Variants in NDE1 observed in about 807,000 individuals in gnomAD.
The protein encoded by NDE1 is nuclear distribution protein nudE homolog 1.
In NDE1, 28 loss-of-function variants were observed where a neutral mutation model predicts 43.4. The ratio of observed to expected loss-of-function variants is 0.65; its 90% CI spans 0.48 to 0.89. The LOEUF is 0.89. NDE1 is among the 40% of genes least tolerant of loss of function. NDE1 has a pLI of 0.00. For synonymous variants in NDE1, 184 were observed against 172.0 expected (o/e 1.07, Z -0.55); for missense variants, 441 against 434.1 (o/e 1.02, Z -0.14).
rs2040665153 is a variant in NDE1, at chr16:15,724,780, G to T, written c.*529G>T. The T allele has an allele frequency of 6.2e-7, 1 of 1,614,012 alleles. No homozygotes were observed. Among genetic ancestry groups the T allele is most frequent in the Non-Finnish European group, 8.5e-7 (1 of 1,180,024 alleles). On this transcript the variant is annotated 3_prime_UTR_variant, in exon 9 of 9. Coordinates refer to ENST00000396354, the MANE Select transcript of NDE1 (RefSeq NM_017668.3). ...CGTAGACACGTTGAGCTTCTGCCGG[G>T]TTTCTTCTTGAAGCAGCTCCTGCAA...
chr16:15,656,976 C>T (rs1259960104), intron 1 of NDE1, among the ~76,000 whole-genome samples: 1 of 152,168 alleles, frequency 6.6e-6, no homozygotes, highest in Admixed American at 6.6e-5. Flanking sequence ...TTTTTCCAAA[C>T]CTCAGGAGGA....
upstream of NDE1, among the ~76,000 whole-genome samples, chr16:15,648,471 CCTCT>C (rs1255927966): frequency 6.6e-6 from 1 of 152,114 alleles, no homozygotes; most frequent in Non-Finnish European, 1.5e-5. Context: ...ATGAAGTCTC[CCTCT>C]GTCTCCCAGG....
At chr16:15,655,373 G>A (rs2036708757) in intron 1 of NDE1, among the ~76,000 whole-genome samples, 1 of 152,140 alleles carries the variant, frequency 6.6e-6, no homozygotes, top group Non-Finnish European at 1.5e-5. Context: ...TCAAACTCCT[G>A]GGCTCAAGCA....
At position 15,676,116 on chromosome 16, in the gene NDE1, CCTCCCTTCCTCTCTCCTCTGT is replaced by C. The variant is rs949210082; in HGVS notation, c.238-1665_238-1645del. Among the ~76,000 whole-genome samples the C allele has an allele frequency of 7.3e-5, 11 of 151,686 alleles. No individual in the cohort carries two copies. In the South Asian group the frequency reaches 8.3e-4, roughly 11 times the overall value. On this transcript the variant is annotated intron_variant, in intron 3 of 8. Coordinates refer to ENST00000396354, the MANE Select transcript of NDE1 (RefSeq NM_017668.3). ...ATCTCTCTCCCTTTCCTTCCCTCTC[CCTCCCTTCCTCTCTCCTCTGT>C]CTCCCTTCCTCTCTCCTCTCTCTCC... is the stretch of plus-strand genomic sequence containing the variant.
chr16:15,698,332 G>C (rs1489580858), intron 8 of NDE1, among the ~76,000 whole-genome samples: 1 of 151,016 alleles, frequency 6.6e-6, no homozygotes, highest in African/African-American at 2.4e-5. Flanking sequence ...TGGAGGTTGA[G>C]GCCGCAGTGA....
At chr16:15,698,540 A>G (rs890786343) in intron 8 of NDE1, among the ~76,000 whole-genome samples, 13 of 152,014 alleles carry the variant, frequency 8.6e-5, no homozygotes, top group Admixed American at 7.9e-4. Flanking sequence ...TGGCATGCAC[A>G]TAACTTTGAG....
chr16:15,653,181 C>T (rs1488429988), intron 1 of NDE1, among the ~76,000 whole-genome samples: 1 of 152,168 alleles, frequency 6.6e-6, no homozygotes, highest in East Asian at 1.9e-4. Flanking sequence ...CATATTAGTA[C>T]TTACAGTTCT....
At chr16:15,655,234 T>C (rs1339097104) in intron 1 of NDE1, among the ~76,000 whole-genome samples, 1 of 152,122 alleles carries the variant, frequency 6.6e-6, no homozygotes, top group Non-Finnish European at 1.5e-5. Context: ...CCCAGGCTGG[T>C]CTTGAACCCC....
chr16:15,708,208 C>T (rs1036224525), intron 8 of NDE1, among the ~76,000 whole-genome samples: 3 of 152,234 alleles, frequency 2.0e-5, no homozygotes, highest in South Asian at 2.1e-4. Flanking sequence ...GTGCAGCCCC[C>T]GGCATTTGTC....
At chr16:15,675,795 G>A (rs147353679) in intron 3 of NDE1, among the ~76,000 whole-genome samples, 107 of 152,286 alleles carry the variant, frequency 7.0e-4, no homozygotes, top group African/African-American at 2.5e-3. Flanking sequence ...TCGGGAGTGG[G>A]CAGGTGATCT....
At chr16:15,704,019 T>C in intron 8 of NDE1, 5 of 1,614,164 alleles carry the variant, frequency 3.1e-6, no homozygotes, top group Non-Finnish European at 4.2e-6. Context: ...TCCATTGAAG[T>C]CTGCGTCTCG....
intron 8 of NDE1, chr16:15,700,079 C>T (rs946536158): frequency 8.6e-7 from 1 of 1,164,410 alleles, no homozygotes; most frequent in African/African-American, 1.6e-5. Flanking sequence ...GGGAAGGGCT[C>T]TAAGTTGTCG....
rs1311701790 is a variant in NDE1 at position 15,715,112 on chromosome 16, G to A, written c.948-9079G>A. The stretch of plus-strand genomic sequence containing the variant: ...GCGGAGAGTTGGAGGGGTGGTTAGG[G>A]GAGGCCGGCTGGGGGCTGGGGGCTC... On this transcript the variant is annotated intron_variant, in intron 8 of 8. Coordinates refer to ENST00000396354, the MANE Select transcript of NDE1 (RefSeq NM_017668.3). The A allele has an allele frequency of 4.3e-6, 7 of 1,612,310 alleles. No individual in the cohort carries two copies. In the African/African-American group the frequency reaches 8.0e-5, roughly 18 times the overall value.
intron 4 of NDE1, among the ~76,000 whole-genome samples, chr16:15,685,584 T>C (rs1387305001): frequency 2.6e-5 from 4 of 152,146 alleles, no homozygotes; most frequent in Non-Finnish European, 5.9e-5. Context: ...GTGGTAACTT[T>C]ATCCTATCCA....
intron 8 of NDE1, chr16:15,720,083 G>C: frequency 1.2e-6 from 2 of 1,606,394 alleles, no homozygotes; most frequent in Non-Finnish European, 1.7e-6. Context: ...CCGCTCTGCT[G>C]ACTTCGGTGG....
Position 15,720,263 on chromosome 16 carries a change from A to T in NDE1, c.948-3928A>T. 6.2e-7 allele frequency: 1 copy of T among 1,614,106 alleles called. No individual in the cohort carries two copies. The highest frequency in any genetic ancestry group is 8.5e-7 in the Non-Finnish European group (1 of 1,180,004). On this transcript the variant is annotated intron_variant, in intron 8 of 8. Transcript: ENST00000396354. The stretch of plus-strand genomic sequence containing the variant: ...CAGCTTCTTCTTTGCTGCAGCTGCC[A>T]GGGCACGTTGCTTTCGCTCGTCTTC...
intron 8 of NDE1, chr16:15,703,558 C>G: frequency 3.0e-6 from 1 of 334,708 alleles, no homozygotes; most frequent in Admixed American, 4.5e-5. Flanking sequence ...ATACAAACTT[C>G]AATTTTTACC....
rs185725006 is a variant in NDE1 at position 15,693,678 on chromosome 16, G to A, written c.704-487G>A. ...TTAAAGGCCAGGCATGGTGGCTCAC[G>A]CCCGTAATCCCAGCACTTTTGGAGG... On this transcript the variant is annotated intron_variant, in intron 6 of 8. Transcript: ENST00000396354. Among the ~76,000 whole-genome samples the A allele has an allele frequency of 2.8e-3, 425 of 152,166 alleles. 2 individuals carry two copies. Among genetic ancestry groups the A allele is most frequent in the African/African-American group, 9.6e-3 (400 of 41,524 alleles).
At chr16:15,706,245 TTCTC>T (rs368469876) in intron 8 of NDE1, among the ~76,000 whole-genome samples, 1 of 152,288 alleles carries the variant, frequency 6.6e-6, no homozygotes, top group African/African-American at 2.4e-5. Context: ...CTCTCCATCC[TTCTC>T]TCTCTAGATG....
Sources: gnomAD v4.1 joint callset for allele counts (sites outside exome capture counted in the v4.1 genomes callset) on GRCh38, gnomAD v4.1.1 for gene constraint, MANE v1.5 for transcripts, NCBI Gene and HGNC (gene_info 2026-07-23, HGNC 2026-07-21) for gene names.